Variants in KIF26A observed in about 807,000 individuals in gnomAD.
KIF26A encodes kinesin family member 26A, also known as kinesin-like protein KIF26A.
Under a neutral mutation model 126.0 loss-of-function variants are expected in KIF26A, and 74 were observed. The ratio of observed to expected loss-of-function variants is 0.59; its 90% CI spans 0.49 to 0.71. KIF26A has a LOEUF of 0.71. Ranked by LOEUF, KIF26A falls within the 30% of genes least tolerant of loss-of-function variation. KIF26A has a pLI of 0.00. For missense variants in KIF26A, 2,984 were observed against 2,763.3 expected (o/e 1.08, Z -1.79); for synonymous variants, 1,445 against 1,232.7 (o/e 1.17, Z -3.61).
At chr14:104,160,663 T>C (rs897100383) in intron 4 of KIF26A, among the ~76,000 whole-genome samples, 1 of 152,158 alleles carries the variant, frequency 6.6e-6, no homozygotes, top group African/African-American at 2.4e-5. Flanking sequence ...CCCCCAGGGT[T>C]AGGAGTTCCC....
At position 104,177,281 on chromosome 14, in the gene KIF26A, G is replaced by A. The variant is rs371667566; in HGVS notation, c.4493G>A (p.Gly1498Asp). 3.8e-6 allele frequency: 6 copies of A among 1,588,906 alleles called. No homozygotes were observed. The highest frequency in any genetic ancestry group is 5.1e-6 in the Non-Finnish European group (6 of 1,170,996). Residue 1498 changes from glycine to aspartate, a missense_variant, in exon 12 of 15, where the codon GGC becomes GAC. Gly to Asp is a moderately conservative substitution (Grantham distance 94). Coordinates refer to ENST00000423312, the MANE Select transcript of KIF26A (RefSeq NM_015656.2). Reference protein sequence around the residue: ...VGAPKPPVGGGKGRGLVAGGS... With the variant: ...VGAPKPPVGGDKGRGLVAGGS... ...GCCCCCAAGCCCCCTGTTGGTGGAG[G>A]CAAGGGCCGTGGCCTAGTGGCTGGT...
In KIF26A at chr14:104,139,848, G is replaced by A. The variant is rs1045991686; in HGVS notation, c.288+560G>A. Among the ~76,000 whole-genome samples, 112 of 152,206 alleles carry A rather than the reference G, an allele frequency of 7.4e-4. 1 individual carries two copies. The highest frequency in any genetic ancestry group is 6.2e-4 in the South Asian group (3 of 4,830). On this transcript the variant is annotated intron_variant, in intron 2 of 14. Coordinates refer to ENST00000423312, the MANE Select transcript of KIF26A (RefSeq NM_015656.2). Reference sequence around the variant, plus strand: ...CCTGGGATAGACTGAGGCAGTGGCCGCCCATGGGGAATTGAGTCGGGGCCC... The same window carrying A: ...CCTGGGATAGACTGAGGCAGTGGCCACCCATGGGGAATTGAGTCGGGGCCC...
intron 4 of KIF26A, among the ~76,000 whole-genome samples, chr14:104,165,153 ATGTG>A (rs1566860600): frequency 6.8e-6 from 1 of 146,728 alleles, no homozygotes; most frequent in South Asian, 2.2e-4. Flanking sequence ...TTCTGTATGC[ATGTG>A]TGTATCTCTA....
chr14:104,177,842 C>A lies in KIF26A; in HGVS notation c.5054C>A (p.Ala1685Asp). The A allele has an allele frequency of 1.3e-6, 2 of 1,566,272 alleles. No homozygotes were observed. The highest frequency in any genetic ancestry group is 1.8e-5 in the Admixed American group (1 of 56,264). ...CCTGACTCCATGAGCGAGAGTGGGG[C>A]TGCCTCCCCAGGCGCCCGCACCCGC... ...SAPDSMSESGAASPGARTRSL... is the reference protein window; with the variant it reads ...SAPDSMSESGDASPGARTRSL... The change falls in exon 12 of 15, where the codon GCT (alanine) becomes GAT (aspartate). Residue 1685 changes from alanine (A) to aspartate (D), a missense_variant. Physicochemically the swap from Ala to Asp is moderately radical, Grantham distance 126. Transcript: ENST00000423312.
rs763840180 is a variant in KIF26A at position 104,171,759 on chromosome 14, G to A, written c.1150G>A (p.Ala384Thr). 2 of 1,580,660 alleles carry A rather than the reference G, an allele frequency of 1.3e-6. No individual in the cohort carries two copies. Among genetic ancestry groups the A allele is most frequent in the African/African-American group, 1.3e-5 (1 of 74,216 alleles). The change falls in exon 6 of 15, where the codon GCC becomes ACC. Residue 384 changes from alanine (A) to threonine (T), a missense_variant. By Grantham distance (58) the Ala-to-Thr change is moderately conservative (BLOSUM62 0). Transcript: ENST00000423312. ...VMLRIWPAQGAQRSAEAMSFL... is the reference protein window; with the variant it reads ...VMLRIWPAQGTQRSAEAMSFL... Reference sequence around the variant, plus strand: ...GCTGCGGATCTGGCCCGCACAGGGGGCCCAGCGCTCGGCCGAGGCCATGTC... The same window carrying A: ...GCTGCGGATCTGGCCCGCACAGGGGACCCAGCGCTCGGCCGAGGCCATGTC...
intron 2 of KIF26A, among the ~76,000 whole-genome samples, chr14:104,141,241 G>A (rs1170235448): frequency 6.6e-6 from 1 of 152,230 alleles, no homozygotes; most frequent in Non-Finnish European, 1.5e-5. Context: ...GGAGTCTGGT[G>A]CACTGTCCAG....
chr14:104,176,201 T>C lies in KIF26A; in HGVS notation c.3413T>C (p.Leu1138Pro), dbSNP rs768012572. The part of the protein sequence containing the change: ...TPQPRFSPDS[L>P]AGLDPGGPPA... ...CAGCCCCGCTTCAGCCCCGACTCGC[T>C]GGCAGGGCTTGACCCTGGGGGCCCC... The change falls in exon 12 of 15, where the codon CTG (leucine) becomes CCG (proline). Residue 1138 changes from leucine to proline, a missense_variant. Leu to Pro is a moderately conservative substitution (Grantham distance 98). Transcript: ENST00000423312. 65 of 1,600,968 alleles carry C rather than the reference T, an allele frequency of 4.1e-5. No homozygotes were observed. Among genetic ancestry groups the C allele is most frequent in the Non-Finnish European group, 5.3e-5 (62 of 1,175,074 alleles).
At chr14:104,147,746 C>T (rs1003482949) in intron 2 of KIF26A, among the ~76,000 whole-genome samples, 17 of 152,380 alleles carry the variant, frequency 1.1e-4, no homozygotes, top group South Asian at 4.1e-4. Flanking sequence ...GGGGTTGCAG[C>T]CCAGCACGCT....
chr14:104,138,911 T>G (rs1596128914), intron 1 of KIF26A, 132 bp from the exon 2 acceptor site: 1 of 1,249,552 alleles, frequency 8.0e-7, no homozygotes, highest in South Asian at 2.9e-5. Context: ...ATGGAGGGAG[T>G]GGGTGAGCGC....
At chr14:104,163,745 AC>A (rs1456953744) in intron 4 of KIF26A, among the ~76,000 whole-genome samples, 1 of 141,418 alleles carries the variant, frequency 7.1e-6, no homozygotes, top group African/African-American at 2.6e-5. Flanking sequence ...GCTCTGACTC[AC>A]ACCTGCATCC....
chr14:104,156,780 GGACGCTGGGCCTTCCA>G (rs1187442387), intron 3 of KIF26A, among the ~76,000 whole-genome samples: 1 of 152,204 alleles, frequency 6.6e-6, no homozygotes, highest in Non-Finnish European at 1.5e-5. Flanking sequence ...GACACCCTGA[GGACGCTGGGCCTTCCA>G]GACCAGCCCA....
At chr14:104,167,955 G>C (rs1467955248) in intron 5 of KIF26A, among the ~76,000 whole-genome samples, 1 of 152,206 alleles carries the variant, frequency 6.6e-6, no homozygotes, top group Non-Finnish European at 1.5e-5. Flanking sequence ...CTCTCCAGGG[G>C]ACAAGGTCTG....
Position 104,145,687 on chromosome 14 carries a change from C to A in KIF26A, c.289-6328C>A, listed in dbSNP as rs572462429. 2.0e-5 allele frequency among the ~76,000 whole-genome samples: 3 copies of A among 152,344 alleles called. No individual in the cohort carries two copies. In the South Asian group the frequency reaches 6.2e-4, roughly 32 times the overall value. ...TCCTAAATGTCCTGTCCCCATCTTC[C>A]CTCCCCAGCTCATAGCTTCGGTTCA... is the stretch of plus-strand genomic sequence containing the variant. On this transcript the variant is annotated intron_variant, in intron 2 of 14. Transcript: ENST00000423312.
In KIF26A at chr14:104,177,076, C is replaced by T; in HGVS notation, c.4288C>T (p.His1430Tyr). 1 of 1,594,548 alleles carries T rather than the reference C, an allele frequency of 6.3e-7. No homozygotes were observed. The highest frequency in any genetic ancestry group is 8.5e-7 in the Non-Finnish European group (1 of 1,178,262). The change falls in exon 12 of 15, where the codon CAC becomes TAC. Residue 1430 changes from histidine (H) to tyrosine (Y), a missense_variant. Physicochemically the swap from His to Tyr is moderately conservative, Grantham distance 83. Coordinates refer to ENST00000423312, the MANE Select transcript of KIF26A (RefSeq NM_015656.2). ...KARASKVEAA[H>Y]RLAGHASLER... ...CCGGGCCAGCAAGGTAGAAGCAGCA[C>T]ACCGTCTTGCCGGACACGCGTCTCT...
chr14:104,145,773 A>G (rs1053897812), intron 2 of KIF26A, among the ~76,000 whole-genome samples: 14 of 152,266 alleles, frequency 9.2e-5, no homozygotes, highest in Admixed American at 7.8e-4. Context: ...GGCCTCCACA[A>G]AGCCCTCGTC....
rs371265576 is a variant in KIF26A, at chr14:104,175,230, C to T, written c.2442C>T (p.Phe814=). ...CCGACAACGAAGGTCCGCCTGACTT[C>T]GTGCCCATCATCCCTGCCCTGAGCC... The part of the protein sequence containing the change: ...ELTDNEGPPD[F]VPIIPALSRH... The change falls in exon 12 of 15, where the codon TTC becomes TTT. Residue 814 remains phenylalanine (F), a synonymous_variant. Coordinates refer to ENST00000423312, the MANE Select transcript of KIF26A (RefSeq NM_015656.2). 20 of 1,609,480 alleles carry T rather than the reference C, an allele frequency of 1.2e-5. No individual in the cohort carries two copies. Among genetic ancestry groups the T allele is most frequent in the Admixed American group, 3.3e-5 (2 of 59,924 alleles).
At position 104,175,509 on chromosome 14, in the gene KIF26A, C is replaced by A; in HGVS notation, c.2721C>A (p.Thr907=). The part of the protein sequence containing the change: ...STPRGSSGPD[T]HQGTPEPCKA... ...CTCGAGGCAGTTCTGGTCCAGACAC[C>A]CACCAGGGTACCCCTGAGCCCTGCA... The change falls in exon 12 of 15, where the codon ACC becomes ACA. Residue 907 remains threonine (T), a synonymous_variant. Transcript: ENST00000423312. The A allele has an allele frequency of 6.3e-7, 1 of 1,597,484 alleles. No individual in the cohort carries two copies. Among genetic ancestry groups the A allele is most frequent in the African/African-American group, 1.3e-5 (1 of 74,998 alleles).
At chr14:104,141,875 T>A (rs949797754) in intron 2 of KIF26A, among the ~76,000 whole-genome samples, 1 of 152,216 alleles carries the variant, frequency 6.6e-6, no homozygotes, top group African/African-American at 2.4e-5. Context: ...TGGCCACTGT[T>A]TCCTGCTCTG....
chr14:104,157,678 T>C (rs763245000), intron 3 of KIF26A, 77 bp from the exon 4 acceptor site: 1 of 1,472,396 alleles, frequency 6.8e-7, no homozygotes, highest in Non-Finnish European at 9.1e-7. Flanking sequence ...CAGGCCTGTC[T>C]CTCCCACTCC....
Sources: gnomAD v4.1 joint callset for allele counts (sites outside exome capture counted in the v4.1 genomes callset) on GRCh38, gnomAD v4.1.1 for gene constraint, MANE v1.5 for transcripts, NCBI Gene and HGNC (gene_info 2026-07-23, HGNC 2026-07-21) for gene names.